Variants in APELA observed in about 807,000 individuals in gnomAD.
APELA encodes apelin receptor early endogenous ligand.
intron 2 of APELA, among the ~76,000 whole-genome samples, chr4:164,887,179 C>A (rs1405337246): frequency 3.9e-5 from 6 of 152,144 alleles, no homozygotes; most frequent in Admixed American, 3.3e-4. Flanking sequence ...TGTAATAATT[C>A]TTTCCATAGA....
chr4:164,888,661 A>C (rs377416596), intron 2 of APELA, among the ~76,000 whole-genome samples: 2 of 152,168 alleles, frequency 1.3e-5, no homozygotes, highest in African/African-American at 4.8e-5. Context: ...TTCACATTAC[A>C]CAAGCTCAAC....
intron 1 of APELA, among the ~76,000 whole-genome samples, chr4:164,878,004 T>A (rs185521942): frequency 5.9e-4 from 90 of 152,228 alleles, no homozygotes; most frequent in African/African-American, 2.1e-3. Flanking sequence ...AATATTAATT[T>A]ACTTGACATG....
At chr4:164,887,699 C>T (rs1239235483) in intron 2 of APELA, among the ~76,000 whole-genome samples, 1 of 151,986 alleles carries the variant, frequency 6.6e-6, no homozygotes, top group East Asian at 1.9e-4. Context: ...GCAACCTCTG[C>T]CTCCTGGGTT....
At chr4:164,889,209 G>A (rs933737413) in intron 2 of APELA, among the ~76,000 whole-genome samples, 3 of 152,046 alleles carry the variant, frequency 2.0e-5, no homozygotes, top group African/African-American at 7.2e-5. Flanking sequence ...GGGATATGTG[G>A]GGGCTTGGAG....
chr4:164,877,887 T>C (rs1378534288), intron 1 of APELA, among the ~76,000 whole-genome samples: 1 of 152,138 alleles, frequency 6.6e-6, no homozygotes, highest in African/African-American at 2.4e-5. Flanking sequence ...ATAGCTGTCA[T>C]TTCTAATTAT....
At chr4:164,889,649 C>A (rs1730842840) in intron 2 of APELA, among the ~76,000 whole-genome samples, 1 of 152,042 alleles carries the variant, frequency 6.6e-6, no homozygotes, top group African/African-American at 2.4e-5. Flanking sequence ...TTTCTTGCAC[C>A]TATCAACCGT....
intron 2 of APELA, among the ~76,000 whole-genome samples, chr4:164,892,093 T>C (rs1334518709): frequency 6.6e-6 from 1 of 152,056 alleles, no homozygotes; most frequent in Non-Finnish European, 1.5e-5. Flanking sequence ...GGCAGATTGC[T>C]TGAGTCAGGG....
chr4:164,889,696 C>G (rs1281456087), intron 2 of APELA, among the ~76,000 whole-genome samples: 1 of 152,164 alleles, frequency 6.6e-6, no homozygotes, highest in Non-Finnish European at 1.5e-5. Flanking sequence ...TTGAATGACA[C>G]TGTAGTCCAG....
In APELA at chr4:164,896,506, T is replaced by C. The variant is rs974603532; in HGVS notation, c.*1092T>C. ...ATGAAGTCCCACTCAGGGTGATATCTGTATCTAAAAGATGAGTGCTCATCA... is the reference window on the plus strand; with the variant it reads ...ATGAAGTCCCACTCAGGGTGATATCCGTATCTAAAAGATGAGTGCTCATCA... On this transcript the variant is annotated 3_prime_UTR_variant, in exon 3 of 3. Transcript: ENST00000507152. The C allele has an allele frequency of 2.0e-5, 3 of 152,160 alleles. No homozygotes were observed. Among genetic ancestry groups the C allele is most frequent in the Admixed American group, 6.5e-5 (1 of 15,278 alleles). 9.4% of individuals were successfully genotyped at this position (152,160 alleles called of 1,614,324 possible).
intron 2 of APELA, among the ~76,000 whole-genome samples, chr4:164,890,754 TAA>T (rs1350498607): frequency 6.6e-6 from 1 of 152,150 alleles, no homozygotes; most frequent in Non-Finnish European, 1.5e-5. Flanking sequence ...CTCTGGGAAT[TAA>T]AAGAGAGGAA....
At chr4:164,877,810 T>C (rs980594200) in intron 1 of APELA, among the ~76,000 whole-genome samples, 2 of 151,854 alleles carry the variant, frequency 1.3e-5, no homozygotes, top group Non-Finnish European at 2.9e-5. Context: ...CTGCCCAGAG[T>C]AGGGGCTGAA....
chr4:164,894,507 TCC>T (rs1176196854), intron 2 of APELA, among the ~76,000 whole-genome samples: 1 of 151,934 alleles, frequency 6.6e-6, no homozygotes, highest in Non-Finnish European at 1.5e-5. Flanking sequence ...ACCTCTTTCT[TCC>T]AGGTTCAAGC....
chr4:164,885,733 C>T (rs1730757654), intron 2 of APELA, among the ~76,000 whole-genome samples: 1 of 150,146 alleles, frequency 6.7e-6, no homozygotes, highest in African/African-American at 2.5e-5. Flanking sequence ...AGAGTGAGAC[C>T]ATGTCTCAAA....
intron 2 of APELA, among the ~76,000 whole-genome samples, chr4:164,892,639 G>A (rs1730904778): frequency 6.6e-6 from 1 of 152,002 alleles, no homozygotes; most frequent in African/African-American, 2.4e-5. Flanking sequence ...AAATGACGTG[G>A]GAAGTGTTTT....
chr4:164,883,931 A>AG lies in APELA; in HGVS notation c.*1+4923dup, dbSNP rs796086984. On this transcript the variant is annotated intron_variant, in intron 2 of 2. Coordinates refer to ENST00000507152, the MANE Select transcript of APELA (RefSeq NM_001297550.2). ...TATTTTGTCTTAAAAAAAAAAAAAA[A>AG]GACAGAAAGACGAAAGAGACAAAGA... 4.6e-3 allele frequency among the ~76,000 whole-genome samples: 671 copies of AG among 145,706 alleles called. 4 individuals are homozygous for AG. Among genetic ancestry groups the AG allele is most frequent in the African/African-American group, 0.017 (654 of 39,102 alleles).
At chr4:164,887,532 G>T (rs1730797249) in intron 2 of APELA, among the ~76,000 whole-genome samples, 1 of 151,858 alleles carries the variant, frequency 6.6e-6, no homozygotes, top group Non-Finnish European at 1.5e-5. Flanking sequence ...TGTACTCATT[G>T]TCCCTGATTC....
At chr4:164,893,331 T>A (rs1192541641) in intron 2 of APELA, among the ~76,000 whole-genome samples, 1 of 152,152 alleles carries the variant, frequency 6.6e-6, no homozygotes, top group African/African-American at 2.4e-5. Context: ...CCCTTCTGAG[T>A]CTTCTTTGAG....
intron 2 of APELA, among the ~76,000 whole-genome samples, chr4:164,891,603 G>T (rs1293970383): frequency 6.6e-6 from 1 of 152,092 alleles, no homozygotes; most frequent in Non-Finnish European, 1.5e-5. Context: ...CATTGCTAAT[G>T]TATAGGCATA....
chr4:164,889,396 GT>G (rs1385012926), intron 2 of APELA, among the ~76,000 whole-genome samples: 1 of 151,578 alleles, frequency 6.6e-6, no homozygotes, highest in East Asian at 1.9e-4. Context: ...TTACTGCTTT[GT>G]CTTTTACTTA....
Sources: gnomAD v4.1 joint callset for allele counts (sites outside exome capture counted in the v4.1 genomes callset) on GRCh38, gnomAD v4.1.1 for gene constraint, MANE v1.5 for transcripts, NCBI Gene and HGNC (gene_info 2026-07-23, HGNC 2026-07-21) for gene names.